The following NEGR1 variants were observed in gnomAD, a reference collection of about 807,000 sequenced individuals.
NEGR1 encodes the protein neuronal growth regulator 1.
Under a neutral mutation model 40.9 loss-of-function variants are expected in NEGR1, and 10 were observed. That is an observed-to-expected ratio of 0.24 (90% CI 0.15 to 0.42). NEGR1 has a LOEUF of 0.42. Ranked by LOEUF, NEGR1 falls within the 10% of genes least tolerant of loss-of-function variation. The probability of loss-of-function intolerance (pLI) is 1.00; values close to 1 mark genes in which losing one functional copy is unlikely to be tolerated. For missense variants in NEGR1, 352 were observed against 438.9 expected, an observed-to-expected ratio of 0.80 and a Z score of 1.77; for synonymous variants, 185 against 166.8, an observed-to-expected ratio of 1.11 and a Z score of -0.84.
At chr1:71,842,812 T>C (rs868569625) in intron 2 of NEGR1, among the ~76,000 whole-genome samples, 1 of 152,180 alleles carries the variant, frequency 6.6e-6, no homozygotes, top group Non-Finnish European at 1.5e-5. Flanking sequence ...ATCGTATATC[T>C]TAACTTAGCA....
intron 1 of NEGR1, among the ~76,000 whole-genome samples, chr1:72,252,719 T>C (rs1342860736): frequency 6.6e-6 from 1 of 152,134 alleles, no homozygotes; most frequent in Non-Finnish European, 1.5e-5. Flanking sequence ...TTCAATGTAG[T>C]GTTTCTTGGG....
At chr1:72,267,296 G>A (rs773187364) in intron 1 of NEGR1, among the ~76,000 whole-genome samples, 9 of 151,006 alleles carry the variant, frequency 6.0e-5, no homozygotes, top group Non-Finnish European at 1.0e-4. Flanking sequence ...GAAAAATGAT[G>A]AGGCTATTAA....
chr1:71,396,579 A>G lies in NEGR1; in HGVS notation c.*10867T>C, dbSNP rs554931706. The G allele has an allele frequency of 1.3e-5, 2 of 152,318 alleles. No homozygotes were observed. The highest frequency in any genetic ancestry group is 4.8e-5 in the African/African-American group (2 of 41,566). The allele number at this position is 152,318 out of a possible 1,614,324, so 9.4% of individuals were successfully genotyped here. A position where few individuals can be genotyped will look rare whatever the true frequency, so the allele number is the denominator to read the frequency against. ...TATTGTTTGGCCATGTCCCCACACAAATCTCATTTTGAATTCCCACATATT... is the reference window on the plus strand; with the variant it reads ...TATTGTTTGGCCATGTCCCCACACAGATCTCATTTTGAATTCCCACATATT... On this transcript the variant is annotated 3_prime_UTR_variant, in exon 7 of 7. Coordinates refer to ENST00000357731, the MANE Select transcript of NEGR1 (RefSeq NM_173808.3).
intron 6 of NEGR1, among the ~76,000 whole-genome samples, chr1:71,525,115 C>CAACAA (rs1647200887): frequency 6.6e-6 from 1 of 151,728 alleles, no homozygotes. Flanking sequence ...ATTAATACAC[C>CAACAA]TAGGAAATCA....
chr1:71,824,164 C>T (rs1487969277), intron 2 of NEGR1, among the ~76,000 whole-genome samples: 2 of 151,964 alleles, frequency 1.3e-5, no homozygotes, highest in Non-Finnish European at 2.9e-5. Context: ...TACTCTTGCA[C>T]AGTGAGGCTA....
chr1:72,105,340 C>T (rs1006667111), intron 1 of NEGR1, among the ~76,000 whole-genome samples: 5 of 151,994 alleles, frequency 3.3e-5, no homozygotes, highest in Admixed American at 1.3e-4. Context: ...AGGCAATAGT[C>T]TGACTCTAGG....
At position 72,008,573 on chromosome 1, in the gene NEGR1, G is replaced by T. The variant is rs145403866; in HGVS notation, c.177-73262C>A. On this transcript the variant is annotated intron_variant, in intron 1 of 6. Transcript: ENST00000357731. ...AGTCTATGTAAAGAGCTTGCTACAG[G>T]GCCTGACACACTTAATTGTTCATAC... Among the ~76,000 whole-genome samples the T allele has an allele frequency of 3.5e-3, 530 of 152,042 alleles. 1 individual carries two copies. The highest frequency in any genetic ancestry group is 5.0e-3 in the Non-Finnish European group (343 of 67,934).
intron 1 of NEGR1, among the ~76,000 whole-genome samples, chr1:72,044,598 C>T (rs2821277): frequency 0.98 from 148,074 of 151,778 alleles, 72,342 homozygotes; most frequent in Middle Eastern, 1. Context: ...TTAAAAGTAT[C>T]GCACTGACAA....
intron 1 of NEGR1, among the ~76,000 whole-genome samples, chr1:72,153,130 C>A (rs1479847191): frequency 6.6e-6 from 1 of 151,388 alleles, no homozygotes; most frequent in African/African-American, 2.4e-5. Flanking sequence ...AATAAAAGTT[C>A]AATTAAAAAA....
intron 2 of NEGR1, among the ~76,000 whole-genome samples, chr1:71,844,597 C>T (rs532560506): frequency 6.0e-4 from 91 of 152,228 alleles, no homozygotes; most frequent in Non-Finnish European, 9.9e-4. Context: ...GTCCTTGACC[C>T]GTTTGCACGT....
intron 5 of NEGR1, among the ~76,000 whole-genome samples, chr1:71,603,068 G>C (rs1329742238): frequency 6.6e-6 from 1 of 152,136 alleles, no homozygotes; most frequent in Admixed American, 6.5e-5. Flanking sequence ...ATATAATAAT[G>C]AGATAACACT....
intron 6 of NEGR1, among the ~76,000 whole-genome samples, chr1:71,500,085 T>C (rs1646989618): frequency 6.6e-6 from 1 of 152,150 alleles, no homozygotes; most frequent in African/African-American, 2.4e-5. Context: ...CATTAGTTTG[T>C]ACAGTTTCTT....
At chr1:72,152,712 G>A (rs182533384) in intron 1 of NEGR1, among the ~76,000 whole-genome samples, 305 of 151,840 alleles carry the variant, frequency 2.0e-3, no homozygotes, top group African/African-American at 7.0e-3. Flanking sequence ...GCAAAGATGT[G>A]GAATCAACCC....
intron 1 of NEGR1, among the ~76,000 whole-genome samples, chr1:71,964,368 G>C (rs1820421): frequency 2.6e-5 from 4 of 151,826 alleles, no homozygotes; most frequent in Middle Eastern, 3.2e-3. Context: ...CCACTTTGGT[G>C]ATGTTCACTC....
intron 2 of NEGR1, among the ~76,000 whole-genome samples, chr1:71,886,957 G>A (rs144772323): frequency 1.4e-4 from 22 of 152,212 alleles, no homozygotes; most frequent in African/African-American, 4.8e-4. Context: ...ACTGAACACT[G>A]CACTGTTGAA....
chr1:71,591,811 C>T (rs1649508156), intron 6 of NEGR1, among the ~76,000 whole-genome samples: 1 of 152,016 alleles, frequency 6.6e-6, no homozygotes, highest in African/African-American at 2.4e-5. Flanking sequence ...GCTCATAAAT[C>T]ATGGAAACTT....
At chr1:72,068,557 A>C (rs1298185380) in intron 1 of NEGR1, among the ~76,000 whole-genome samples, 2 of 152,082 alleles carry the variant, frequency 1.3e-5, no homozygotes, top group Admixed American at 6.6e-5. Context: ...CATTATGTGG[A>C]TGGGTGGATG....
intron 3 of NEGR1, among the ~76,000 whole-genome samples, chr1:71,721,068 C>A (rs2101653307): frequency 6.6e-6 from 1 of 152,192 alleles, no homozygotes; most frequent in Non-Finnish European, 1.5e-5. Flanking sequence ...AATAAGTTTG[C>A]ACATTTCAAC....
At chr1:72,137,946 T>C (rs889380721) in intron 1 of NEGR1, among the ~76,000 whole-genome samples, 5 of 152,044 alleles carry the variant, frequency 3.3e-5, no homozygotes, top group Admixed American at 6.6e-5. Context: ...TAGAGTTCTA[T>C]AACCATTTAA....
Sources: gnomAD v4.1 joint callset for allele counts (sites outside exome capture counted in the v4.1 genomes callset) on GRCh38, gnomAD v4.1.1 for gene constraint, MANE v1.5 for transcripts, NCBI Gene and HGNC (gene_info 2026-07-23, HGNC 2026-07-21) for gene names.